KANK1: variants seen among roughly 807,000 people sequenced by gnomAD.
The protein encoded by KANK1 is KN motif and ankyrin repeat domain-containing protein 1.
KANK1 carries 109 observed loss-of-function variants against 106.2 expected under a neutral mutation model. The ratio of observed to expected loss-of-function variants is 1.03; its 90% CI spans 0.88 to 1.20. The LOEUF is 1.20. Ranked by LOEUF, KANK1 falls within the 50% of genes most tolerant of loss-of-function variation. The probability of loss-of-function intolerance (pLI) is 0.00; values close to 1 mark genes in which losing one functional copy is unlikely to be tolerated. For synonymous variants in KANK1, 873 were observed against 652.2 expected (o/e 1.34, Z -5.16); for missense variants, 2,399 against 1,710.7 (o/e 1.40, Z -7.10).
At chr9:494,481 C>G (rs772315260) in intron 3 of KANK1, among the ~76,000 whole-genome samples, 9 of 152,152 alleles carry the variant, frequency 5.9e-5, no homozygotes, top group Non-Finnish European at 1.2e-4. Flanking sequence ...CTGGTTTGGT[C>G]TGTGTGATGA....
intron 1 of KANK1, among the ~76,000 whole-genome samples, chr9:596,285 G>T (rs1826185880): frequency 6.6e-6 from 1 of 151,816 alleles, no homozygotes; most frequent in Non-Finnish European, 1.5e-5. Context: ...TATTTTTTGA[G>T]TTCCTACCCA....
intron 2 of KANK1, among the ~76,000 whole-genome samples, chr9:678,925 G>A (rs750145328): frequency 2.0e-5 from 3 of 152,094 alleles, no homozygotes; most frequent in Non-Finnish European, 2.9e-5. Context: ...GGTGCCTCAA[G>A]ACCTCAACCT....
rs534278188 is a variant in KANK1, at chr9:564,711, C to T, written c.-84+59957C>T. On this transcript the variant is annotated intron_variant, in intron 1 of 11. Coordinates refer to ENST00000382297, the MANE Select transcript of KANK1 (RefSeq NM_015158.5). ...TGGCTCTTTGCAGCCGCTCTTCCACCTCCTAACACTCTTTCAGGAGATGCC... is the reference window on the plus strand; with the variant it reads ...TGGCTCTTTGCAGCCGCTCTTCCACTTCCTAACACTCTTTCAGGAGATGCC... Among the ~76,000 whole-genome samples the T allele has an allele frequency of 2.0e-5, 3 of 152,300 alleles. No homozygotes were observed. In the South Asian group the frequency reaches 6.2e-4, roughly 32 times the overall value.
At chr9:693,718 C>T (rs1228041096) in intron 2 of KANK1, 1 of 985,182 alleles carries the variant, frequency 1.0e-6, no homozygotes, top group Non-Finnish European at 1.2e-6. Flanking sequence ...CCCTTTAATG[C>T]TGAGGGAAGT....
At chr9:569,664 A>T (rs192631281) in intron 1 of KANK1, among the ~76,000 whole-genome samples, 12 of 152,336 alleles carry the variant, frequency 7.9e-5, no homozygotes, top group African/African-American at 1.7e-4. Flanking sequence ...CTGAGACAAT[A>T]CGTATATTCT....
At chr9:529,149 C>A (rs1462010619) in intron 1 of KANK1, among the ~76,000 whole-genome samples, 1 of 151,814 alleles carries the variant, frequency 6.6e-6, no homozygotes, top group Non-Finnish European at 1.5e-5. Context: ...AAGCCACCCA[C>A]TTCCTGTACT....
rs73369061 is a variant in KANK1 at position 508,682 on chromosome 9, A to G, written c.-84+3928A>G. On this transcript the variant is annotated intron_variant, in intron 1 of 11. Transcript: ENST00000382297. ...TTTTAGTATCCTGGTTTCTTTCTCA[A>G]CATTATATTTGTGAGATTCAGCTGT... Among the ~76,000 whole-genome samples the G allele has an allele frequency of 8.5e-3, 1,294 of 151,486 alleles. 92 individuals carry two copies. The highest frequency in any genetic ancestry group is 0.028 in the African/African-American group (1,150 of 40,782).
At chr9:669,552 A>C (rs1209192003) in intron 1 of KANK1, among the ~76,000 whole-genome samples, 1 of 152,064 alleles carries the variant, frequency 6.6e-6, no homozygotes, top group Non-Finnish European at 1.5e-5. Flanking sequence ...ATATCATTCC[A>C]CTTCCTCCTG....
chr9:572,150 A>AATT (rs774359841), intron 1 of KANK1, among the ~76,000 whole-genome samples: 3 of 111,340 alleles, frequency 2.7e-5, no homozygotes, highest in Non-Finnish European at 3.6e-5. Flanking sequence ...ATAAACAGTG[A>AATT]TTTTTTTTTT....
chr9:533,414 G>T (rs2060152881), intron 1 of KANK1, among the ~76,000 whole-genome samples: 1 of 152,202 alleles, frequency 6.6e-6, no homozygotes. Flanking sequence ...TGGGCTTTTT[G>T]TGGGGGACAG....
chr9:612,119 A>T (rs994550696), intron 1 of KANK1, among the ~76,000 whole-genome samples: 2 of 152,120 alleles, frequency 1.3e-5, no homozygotes, highest in African/African-American at 4.8e-5. Context: ...TACCCATAGT[A>T]CCTCCCACAC....
intron 1 of KANK1, among the ~76,000 whole-genome samples, chr9:640,134 A>G (rs777811153): frequency 1.2e-4 from 19 of 152,006 alleles, no homozygotes; most frequent in Non-Finnish European, 2.6e-4. Flanking sequence ...TGTATTCCCA[A>G]CTCTATGCTT....
chr9:672,885 G>A (rs1201441322), intron 1 of KANK1, among the ~76,000 whole-genome samples: 1 of 152,004 alleles, frequency 6.6e-6, no homozygotes, highest in Non-Finnish European at 1.5e-5. Context: ...AAATCGTTTC[G>A]CAGGAGTGGT....
chr9:621,039 A>C (rs1008587995), intron 1 of KANK1, among the ~76,000 whole-genome samples: 1 of 152,126 alleles, frequency 6.6e-6, no homozygotes, highest in South Asian at 2.1e-4. Flanking sequence ...TTAGGGGATA[A>C]ATTGCCAAAA....
At chr9:484,335 A>G (rs2058255706) in intron 3 of KANK1, 1 of 152,242 alleles carries the variant, frequency 6.6e-6, no homozygotes, top group African/African-American at 2.4e-5. Flanking sequence ...CATGTAAAAC[A>G]CGGAAAAAAT....
intron 1 of KANK1, among the ~76,000 whole-genome samples, chr9:584,264 T>G (rs953317500): frequency 1.3e-5 from 2 of 152,242 alleles, no homozygotes; most frequent in Non-Finnish European, 2.9e-5. Context: ...TAATATCATA[T>G]GATTTACTTT....
chr9:632,590 G>A (rs1454227160), intron 1 of KANK1, among the ~76,000 whole-genome samples: 2 of 152,076 alleles, frequency 1.3e-5, no homozygotes, highest in Admixed American at 1.3e-4. Context: ...GGCAGGGGAG[G>A]ACATTTTCAT....
At chr9:519,734 T>A (rs2059460455) in intron 1 of KANK1, among the ~76,000 whole-genome samples, 1 of 151,806 alleles carries the variant, frequency 6.6e-6, no homozygotes, top group African/African-American at 2.4e-5. Context: ...ATTAATTACA[T>A]GCCTTTGGAA....
At chr9:701,458 C>A (rs1056727598) in intron 2 of KANK1, among the ~76,000 whole-genome samples, 2 of 152,122 alleles carry the variant, frequency 1.3e-5, no homozygotes, top group Non-Finnish European at 2.9e-5. Context: ...AATTTTTATT[C>A]TTCTCGCTGT....
Sources: gnomAD v4.1 joint callset for allele counts (sites outside exome capture counted in the v4.1 genomes callset) on GRCh38, gnomAD v4.1.1 for gene constraint, MANE v1.5 for transcripts, NCBI Gene and HGNC (gene_info 2026-07-23, HGNC 2026-07-21) for gene names.